Variants in GRM8 observed in about 807,000 individuals in gnomAD.
GRM8 encodes glutamate metabotropic receptor 8.
GRM8 carries 47 observed loss-of-function variants against 87.2 expected under a neutral mutation model. The ratio of observed to expected loss-of-function variants is 0.54; its 90% CI spans 0.43 to 0.69. GRM8 has a LOEUF of 0.69. Ranked by LOEUF, GRM8 falls within the 30% of genes least tolerant of loss-of-function variation. The probability of loss-of-function intolerance (pLI) is 0.00; values close to 1 mark genes in which losing one functional copy is unlikely to be tolerated. For synonymous variants in GRM8, 396 were observed against 404.5 expected (o/e 0.98, Z 0.25); for missense variants, 1,019 against 1,139.2 (o/e 0.89, Z 1.52).
intron 9 of GRM8, among the ~76,000 whole-genome samples, chr7:126,456,096 GC>G (rs1285986380): frequency 6.6e-6 from 1 of 151,438 alleles, no homozygotes; most frequent in African/African-American, 2.4e-5. Flanking sequence ...TCTGATTCTG[GC>G]TATGGAGGAG....
intron 3 of GRM8, among the ~76,000 whole-genome samples, chr7:127,048,527 G>T (rs1819163253): frequency 6.6e-6 from 1 of 152,328 alleles, no homozygotes; most frequent in Non-Finnish European, 1.5e-5. Flanking sequence ...AGCCATTCAA[G>T]AGGCCATGGC....
chr7:126,622,963 G>C (rs1800323821), intron 7 of GRM8, among the ~76,000 whole-genome samples: 1 of 152,134 alleles, frequency 6.6e-6, no homozygotes, highest in South Asian at 2.1e-4. Context: ...GTTATTGTTT[G>C]ATAATTATCT....
chr7:126,732,325 A>C (rs965848913), intron 7 of GRM8, among the ~76,000 whole-genome samples: 13 of 152,138 alleles, frequency 8.5e-5, no homozygotes, highest in African/African-American at 3.1e-4. Flanking sequence ...TAAGTCTTCT[A>C]TATCCATTCG....
rs74603340 is a variant in GRM8, at chr7:126,587,909, T to TA, written c.1494+21452dup. On this transcript the variant is annotated intron_variant, in intron 8 of 10. Transcript: ENST00000339582. Reference sequence around the variant, plus strand: ...TTTATGTAATTAAAAATCCCAAGATTAAAAAAAAAAAAAGAAAAAGAAAGA... The same window carrying TA: ...TTTATGTAATTAAAAATCCCAAGATTAAAAAAAAAAAAAAGAAAAAGAAAGA... Among the ~76,000 whole-genome samples the TA allele has an allele frequency of 5.9e-4, 84 of 142,838 alleles. No individual in the cohort carries two copies. In the East Asian group the frequency reaches 7.0e-3, roughly 12 times the overall value. 93.7% of individuals were successfully genotyped at this position (142,838 alleles called of 152,430 possible).
intron 9 of GRM8, among the ~76,000 whole-genome samples, chr7:126,474,188 G>A (rs1805630519): frequency 6.6e-6 from 1 of 151,990 alleles, no homozygotes; most frequent in African/African-American, 2.4e-5. Context: ...CAACTAAAAA[G>A]TATTTGCAAA....
chr7:126,642,196 T>C (rs1332757608), intron 7 of GRM8, among the ~76,000 whole-genome samples: 1 of 152,250 alleles, frequency 6.6e-6, no homozygotes, highest in African/African-American at 2.4e-5. Flanking sequence ...GTATATATTT[T>C]ACAGTGGTTG....
At chr7:127,096,174 G>A (rs1026154315) in intron 3 of GRM8, among the ~76,000 whole-genome samples, 7 of 152,180 alleles carry the variant, frequency 4.6e-5, no homozygotes, top group Non-Finnish European at 1.0e-4. Flanking sequence ...TAGCCTCTCT[G>A]CTGCCTTTTG....
intron 2 of GRM8, among the ~76,000 whole-genome samples, chr7:127,221,243 T>C (rs904010104): frequency 2.0e-5 from 3 of 152,184 alleles, no homozygotes; most frequent in African/African-American, 7.2e-5. Flanking sequence ...CTCAAGGTCA[T>C]AAAGAAAATT....
chr7:127,043,415 C>T (rs1456080333), intron 3 of GRM8, among the ~76,000 whole-genome samples: 2 of 152,204 alleles, frequency 1.3e-5, no homozygotes, highest in African/African-American at 2.4e-5. Context: ...CACATATACA[C>T]TATGGAATAC....
At chr7:126,564,695 A>C (rs1022138356) in intron 8 of GRM8, among the ~76,000 whole-genome samples, 2 of 152,188 alleles carry the variant, frequency 1.3e-5, no homozygotes. Context: ...ATTCCAAAAA[A>C]ACTGAAGAGG....
At chr7:126,665,807 T>C (rs908291664) in intron 7 of GRM8, among the ~76,000 whole-genome samples, 7 of 152,030 alleles carry the variant, frequency 4.6e-5, no homozygotes, top group Non-Finnish European at 2.9e-5. Context: ...TTTATTTGAA[T>C]GACAAATTAT....
At chr7:127,124,198 C>T in intron 2 of GRM8, among the ~76,000 whole-genome samples, 1 of 152,136 alleles carries the variant, frequency 6.6e-6, no homozygotes, top group Non-Finnish European at 1.5e-5. Flanking sequence ...TTTAAAATTT[C>T]AACTAAGTAC....
At chr7:127,037,717 G>A (rs1335169365) in intron 3 of GRM8, among the ~76,000 whole-genome samples, 1 of 152,148 alleles carries the variant, frequency 6.6e-6, no homozygotes, top group Admixed American at 6.5e-5. Context: ...GGAGAAGCCT[G>A]CAGAACCACA....
At chr7:126,724,083 T>G (rs1812711533) in intron 7 of GRM8, among the ~76,000 whole-genome samples, 1 of 152,118 alleles carries the variant, frequency 6.6e-6, no homozygotes, top group Admixed American at 6.6e-5. Flanking sequence ...TTTCTCTGCT[T>G]GGAGATATCG....
At chr7:126,953,149 C>T (rs1288944750) in intron 3 of GRM8, among the ~76,000 whole-genome samples, 2 of 151,936 alleles carry the variant, frequency 1.3e-5, no homozygotes, top group Non-Finnish European at 2.9e-5. Flanking sequence ...ATTAAAAATG[C>T]TTTTTGGAAA....
intron 7 of GRM8, among the ~76,000 whole-genome samples, chr7:126,632,618 T>G (rs922503755): frequency 6.6e-6 from 1 of 152,044 alleles, no homozygotes; most frequent in African/African-American, 2.4e-5. Context: ...AATAAAAAAG[T>G]CATGCAATCA....
intron 3 of GRM8, among the ~76,000 whole-genome samples, chr7:126,957,467 C>T (rs1014287308): frequency 1.4e-4 from 22 of 152,194 alleles, no homozygotes; most frequent in Non-Finnish European, 2.9e-4. Flanking sequence ...CTGGGCATCC[C>T]TGCTCTCTCA....
At chr7:127,193,661 G>A (rs762435422) in intron 2 of GRM8, among the ~76,000 whole-genome samples, 35 of 152,256 alleles carry the variant, frequency 2.3e-4, no homozygotes, top group Admixed American at 7.2e-4. Flanking sequence ...AAGAACGGTA[G>A]CTATGGAACA....
At chr7:126,795,739 T>G (rs1821879669) in intron 6 of GRM8, among the ~76,000 whole-genome samples, 1 of 152,068 alleles carries the variant, frequency 6.6e-6, no homozygotes, top group Non-Finnish European at 1.5e-5. Context: ...TGGGGATCCA[T>G]GTGGATAAAC....
Sources: allele counts gnomAD v4.1 joint callset (sites outside exome capture counted in the v4.1 genomes callset), GRCh38; gene constraint gnomAD v4.1.1; transcripts MANE v1.5; gene names NCBI Gene and HGNC (gene_info 2026-07-23, HGNC 2026-07-21).